RNF128: variants seen among roughly 807,000 people sequenced by gnomAD.
RNF128 encodes ring finger protein 128, also known as E3 ubiquitin-protein ligase RNF128.
A neutral mutation model predicts 26.2 loss-of-function variants in RNF128; 13 were observed. The ratio of observed to expected loss-of-function variants is 0.50; its 90% CI spans 0.32 to 0.79. The LOEUF (loss-of-function observed/expected upper bound fraction) is 0.79. Among genes scored for constraint, RNF128 ranks in the 30% least tolerant of loss-of-function variants. The pLI, the probability that RNF128 is intolerant of heterozygous loss-of-function variation, is 0.03. For missense variants in RNF128, 315 were observed against 349.7 expected, an observed-to-expected ratio of 0.90 and a Z score of 0.79; for synonymous variants, 149 against 142.5, an observed-to-expected ratio of 1.05 and a Z score of -0.32.
At chrX:106,742,924 C>CAT (rs1929728325) in intron 1 of RNF128, among the ~76,000 whole-genome samples, 2 of 110,815 alleles carry the variant, frequency 1.8e-5, no homozygotes, top group Admixed American at 9.7e-5. Context: ...TGTATATGCA[C>CAT]ATATATATAC....
intron 6 of RNF128, among the ~76,000 whole-genome samples, chrX:106,793,923 TC>T (rs1271408203): frequency 9.0e-6 from 1 of 110,975 alleles, no homozygotes; most frequent in Non-Finnish European, 1.9e-5. Context: ...TTACTATTTT[TC>T]CCTTTGTAAT....
intron 1 of RNF128, among the ~76,000 whole-genome samples, chrX:106,730,025 T>G (rs1929475448): frequency 8.9e-6 from 1 of 111,953 alleles, no homozygotes; most frequent in African/African-American, 3.2e-5. Context: ...CTTCTTTGTT[T>G]ACAAAATCTC....
chrX:106,719,432 G>A (rs138849878), intron 1 of RNF128, among the ~76,000 whole-genome samples: 43 of 111,601 alleles, frequency 3.9e-4, no homozygotes, highest in African/African-American at 1.4e-3. Flanking sequence ...TGTTGGCCAG[G>A]CTGGTCTCAA....
Position 106,759,475 on chromosome X carries a change from C to T in RNF128, c.485-13438C>T, listed in dbSNP as rs764197956. ...GGAAATCAGGATATCAAAGAGATGT[C>T]TACACCCCCGTGTTTATTGCAGCAC... On this transcript the variant is annotated intron_variant, in intron 1 of 6. Transcript: ENST00000255499. 2.7e-5 allele frequency among the ~76,000 whole-genome samples: 3 copies of T among 111,747 alleles called. No homozygotes were observed. The South Asian group carries it at 1.1e-3, about 42-fold the overall frequency.
intron 2 of RNF128, among the ~76,000 whole-genome samples, chrX:106,774,733 C>A (rs779623191): frequency 8.9e-6 from 1 of 111,790 alleles, no homozygotes; most frequent in East Asian, 2.8e-4. Flanking sequence ...AGTATAACAG[C>A]GGAATGGTGT....
intron 1 of RNF128, among the ~76,000 whole-genome samples, chrX:106,732,964 C>A (rs1296220694): frequency 1.8e-5 from 2 of 110,995 alleles, no homozygotes; most frequent in Non-Finnish European, 3.8e-5. Flanking sequence ...ATATCTATGT[C>A]CACATCTATG....
chrX:106,700,928 A>G (rs1348496355), intron 1 of RNF128, among the ~76,000 whole-genome samples: 1 of 111,945 alleles, frequency 8.9e-6, no homozygotes, highest in Non-Finnish European at 1.9e-5. Flanking sequence ...ACACACACAC[A>G]TAATTTATTT....
chrX:106,740,766 C>T (rs181584035), intron 1 of RNF128, among the ~76,000 whole-genome samples: 277 of 110,899 alleles, frequency 2.5e-3, no homozygotes, highest in African/African-American at 8.9e-3. Context: ...AAAGGAACAC[C>T]GTAATTTCTA....
intron 1 of RNF128, among the ~76,000 whole-genome samples, chrX:106,739,200 C>A (rs192823629): frequency 7.3e-5 from 8 of 109,169 alleles, no homozygotes; most frequent in African/African-American, 2.7e-4. Flanking sequence ...TGCTCTGTCA[C>A]CCAGGCTGGA....
intron 1 of RNF128, among the ~76,000 whole-genome samples, chrX:106,728,241 A>G (rs1033235187): frequency 3.6e-5 from 4 of 111,419 alleles, no homozygotes; most frequent in African/African-American, 6.5e-5. Context: ...GACAAAGGGG[A>G]AAAAAATGGA....
rs779293673 is a variant in RNF128, at chrX:106,791,110, C to A, written c.1029C>A (p.Ser343=). 1 of 1,207,119 alleles carries A rather than the reference C, an allele frequency of 8.3e-7. No homozygotes were observed. Among genetic ancestry groups the A allele is most frequent in the South Asian group, 1.8e-5 (1 of 56,628 alleles). Residue 343 remains serine (S), a synonymous_variant, in exon 6 of 7, where the codon TCC becomes TCA. Transcript: ENST00000255499. ...CAGTGTCTTTACAAGTCCCTGTATC[C>A]AATGAAATATCTAATAGTGCCTCCT... ...DGSVSLQVPV[S]NEISNSASSH...
At chrX:106,719,538 C>G (rs188463759) in intron 1 of RNF128, among the ~76,000 whole-genome samples, 128 of 111,505 alleles carry the variant, frequency 1.1e-3, no homozygotes, top group African/African-American at 4.1e-3. Flanking sequence ...CTTTTAATAA[C>G]TTAATTTCTC....
intron 2 of RNF128, among the ~76,000 whole-genome samples, chrX:106,781,378 A>G (rs1930562655): frequency 8.9e-6 from 1 of 111,963 alleles, no homozygotes; most frequent in South Asian, 3.7e-4. Context: ...CACATGGGGC[A>G]TATTGTCTTT....
intron 2 of RNF128, among the ~76,000 whole-genome samples, chrX:106,783,827 C>T (rs982744601): frequency 3.6e-5 from 4 of 110,883 alleles, no homozygotes; most frequent in Non-Finnish European, 7.6e-5. Context: ...AGGGGAAGCA[C>T]GCGTGTCACA....
intron 1 of RNF128, among the ~76,000 whole-genome samples, chrX:106,719,731 C>G (rs886139495): frequency 9.1e-6 from 1 of 109,958 alleles, no homozygotes; most frequent in Non-Finnish European, 1.9e-5. Flanking sequence ...CAATTTTTTA[C>G]CAGTAGTATT....
chrX:106,754,951 TA>T (rs368285122), intron 1 of RNF128, among the ~76,000 whole-genome samples: 3 of 109,941 alleles, frequency 2.7e-5, no homozygotes, highest in Admixed American at 9.7e-5. Context: ...TAAATTGAAA[TA>T]AAAAAACACA....
chrX:106,736,641 T>C (rs1929603155), intron 1 of RNF128, among the ~76,000 whole-genome samples: 1 of 111,975 alleles, frequency 8.9e-6, no homozygotes, highest in African/African-American at 3.2e-5. Flanking sequence ...GTAATCCTCC[T>C]GATTAAATAC....
intron 1 of RNF128, among the ~76,000 whole-genome samples, chrX:106,763,053 A>G (rs1930146155): frequency 9.2e-6 from 1 of 108,809 alleles, no homozygotes; most frequent in Non-Finnish European, 1.9e-5. Flanking sequence ...AAGGAGTCAG[A>G]TTGTAATGAG....
At chrX:106,787,171 T>C (rs1478811387) in intron 3 of RNF128, among the ~76,000 whole-genome samples, 1 of 111,703 alleles carries the variant, frequency 9.0e-6, no homozygotes. Context: ...TTATTCATAA[T>C]TGTCAAATAC....
Sources: allele counts gnomAD v4.1 joint callset (sites outside exome capture counted in the v4.1 genomes callset), GRCh38; gene constraint gnomAD v4.1.1; transcripts MANE v1.5; gene names NCBI Gene and HGNC (gene_info 2026-07-23, HGNC 2026-07-21).